The following SLC36A1 variants were observed in gnomAD, a reference collection of about 807,000 sequenced individuals.
The protein encoded by SLC36A1 is proton-coupled amino acid transporter 1.
In SLC36A1, 30 loss-of-function variants were observed where a neutral mutation model predicts 47.5. The observed-to-expected ratio is 0.63, with a 90% CI of 0.47 to 0.86. The LOEUF (loss-of-function observed/expected upper bound fraction) is 0.86, where lower values mean the gene tolerates loss of function less well. Among genes scored for constraint, SLC36A1 ranks in the 40% least tolerant of loss-of-function variants. The pLI is 0.00. For missense variants in SLC36A1, 517 were observed against 606.0 expected (o/e 0.85, Z 1.54); for synonymous variants, 255 against 249.7 (o/e 1.02, Z -0.20).
chr5:151,484,704 T>C (rs995612736), intron 10 of SLC36A1, among the ~76,000 whole-genome samples: 2 of 152,192 alleles, frequency 1.3e-5, no homozygotes, highest in East Asian at 3.8e-4. Flanking sequence ...CATTTATTAT[T>C]GGTTTTTAGA....
At chr5:151,540,420 C>T in the SLC36A1 span, 2 of 554,614 alleles carry the variant, frequency 3.6e-6, no homozygotes, top group Non-Finnish European at 6.5e-6. Flanking sequence ...TGTTCTCCTG[C>T]CCCTCAATCT....
chr5:151,521,494 G>T, the SLC36A1 span: 2 of 1,614,236 alleles, frequency 1.2e-6, no homozygotes, highest in South Asian at 1.1e-5. Flanking sequence ...GATGATGGAT[G>T]CTAGCTCCTG....
At chr5:151,366,508 T>C in the SLC36A1 span, 1 of 304,262 alleles carries the variant, frequency 3.3e-6, no homozygotes. Context: ...GATCAGGGCG[T>C]CCTTGGTGAT....
At chr5:151,370,664 T>G in the SLC36A1 span, among the ~76,000 whole-genome samples, 1 of 152,226 alleles carries the variant, frequency 6.6e-6, no homozygotes, top group African/African-American at 2.4e-5. Context: ...ACTTTCTTAC[T>G]CAATATCAAC....
chr5:151,345,727 C>A, the SLC36A1 span, among the ~76,000 whole-genome samples: 1 of 152,194 alleles, frequency 6.6e-6, no homozygotes, highest in Admixed American at 6.5e-5. Context: ...CAGAATTTAA[C>A]TTTGGGCCAC....
chr5:151,501,704 T>G, the SLC36A1 span, among the ~76,000 whole-genome samples: 1 of 148,506 alleles, frequency 6.7e-6, no homozygotes, highest in African/African-American at 2.6e-5. Context: ...ACTATCTTCA[T>G]TTTACTGAGG....
chr5:151,529,347 T>G, the SLC36A1 span: 3 of 1,614,126 alleles, frequency 1.9e-6, no homozygotes, highest in South Asian at 1.1e-5. Flanking sequence ...CAGGAAGTAC[T>G]TGGGGCTTGT....
At chr5:151,465,225 TG>T in intron 5 of SLC36A1, 56 bp downstream of exon 5, 1 of 1,333,622 alleles carries the variant, frequency 7.5e-7, no homozygotes, top group South Asian at 1.2e-5. Flanking sequence ...GGCCTTCAGA[TG>T]GGGAGGTGCA....
At chr5:151,480,920 A>G (rs1400285504) in intron 10 of SLC36A1, among the ~76,000 whole-genome samples, 3 of 152,218 alleles carry the variant, frequency 2.0e-5, no homozygotes, top group Non-Finnish European at 4.4e-5. Context: ...AGGTCTCTGT[A>G]GGTAAAATGT....
At chr5:151,383,529 C>CT in the SLC36A1 span, among the ~76,000 whole-genome samples, 72,820 of 148,154 alleles carry the variant, frequency 0.49, 19,870 homozygotes, top group African/African-American at 0.75. Flanking sequence ...GCCAGCTGCA[C>CT]TTTTTTTTCT....
chr5:151,539,903 G>A, the SLC36A1 span, among the ~76,000 whole-genome samples: 25 of 152,248 alleles, frequency 1.6e-4, no homozygotes, highest in South Asian at 6.2e-4. Context: ...GCCCTGTCTC[G>A]TGTTTGTGTC....
At position 151,462,085 on chromosome 5, in the gene SLC36A1, A is replaced by G. The variant is rs528134089; in HGVS notation, c.144-1468A>G. Among the ~76,000 whole-genome samples the G allele has an allele frequency of 2.0e-5, 3 of 152,278 alleles. No individual in the cohort carries two copies. In the East Asian group the frequency reaches 5.8e-4, roughly 29 times the overall value. On this transcript the variant is annotated intron_variant, in intron 2 of 10. Transcript: ENST00000243389. ...AGCCCATCACCTCAAGGAAAACAATAGATAATACATATCTGTTGCCCAGAA... is the reference window on the plus strand; with the variant it reads ...AGCCCATCACCTCAAGGAAAACAATGGATAATACATATCTGTTGCCCAGAA...
chr5:151,510,167 G>A, the SLC36A1 span: 1 of 1,614,096 alleles, frequency 6.2e-7, no homozygotes, highest in Non-Finnish European at 8.5e-7. Context: ...GACATTTGCA[G>A]ACATAGCCTA....
the SLC36A1 span, chr5:151,380,974 C>A: frequency 2.5e-6 from 1 of 393,168 alleles, no homozygotes. Context: ...AGGCCAGATC[C>A]CTCCAACCCT....
rs117862811 is a variant in SLC36A1, at chr5:151,452,121, T to C, written c.-6+4308T>C. ...GTGTTTGCCTGTTCAGCAGCTGCTT[T>C]GTGCAGAACCTGCTGAGGTCAGCAG... On this transcript the variant is annotated intron_variant, in intron 1 of 10. Transcript: ENST00000243389. Among the ~76,000 whole-genome samples the C allele has an allele frequency of 0.011, 1,671 of 152,352 alleles. 71 individuals are homozygous for C. In the East Asian group the frequency reaches 0.15, roughly 13 times the overall value.
chr5:151,345,012 C>T, the SLC36A1 span, among the ~76,000 whole-genome samples: 26 of 152,268 alleles, frequency 1.7e-4, no homozygotes, highest in Non-Finnish European at 3.4e-4. Context: ...AGAGTGCACA[C>T]CTCCCCTCCC....
At chr5:151,514,483 A>G in the SLC36A1 span, among the ~76,000 whole-genome samples, 1 of 152,246 alleles carries the variant, frequency 6.6e-6, no homozygotes, top group Non-Finnish European at 1.5e-5. Context: ...GGAAAAAGCT[A>G]ACTCTCCACC....
chr5:151,358,698 G>T, the SLC36A1 span, among the ~76,000 whole-genome samples: 1 of 152,082 alleles, frequency 6.6e-6, no homozygotes, highest in Admixed American at 6.5e-5. Context: ...TCTCGGCCGG[G>T]CGCGGTGGCT....
At chr5:151,387,401 G>A in the SLC36A1 span, among the ~76,000 whole-genome samples, 5 of 152,182 alleles carry the variant, frequency 3.3e-5, no homozygotes. Context: ...ACATAGCAAG[G>A]TGCCAAGAGG....
Sources: allele counts gnomAD v4.1 joint callset (sites outside exome capture counted in the v4.1 genomes callset), GRCh38; gene constraint gnomAD v4.1.1; transcripts MANE v1.5; gene names NCBI Gene and HGNC (gene_info 2026-07-23, HGNC 2026-07-21).